The following PTER variants were observed in gnomAD, a reference collection of about 807,000 sequenced individuals.
PTER encodes the protein N-acetyltaurine hydrolase.
In PTER, 38 loss-of-function variants were observed where a neutral mutation model predicts 29.6. That is an observed-to-expected ratio of 1.28 (90% confidence interval 0.99 to 1.68). The LOEUF (loss-of-function observed/expected upper bound fraction) is 1.68. Ranked by LOEUF, PTER falls within the 40% of genes most tolerant of loss-of-function variation. The pLI is 0.00. For synonymous variants in PTER, 172 were observed against 154.5 expected (o/e 1.11, Z -0.84); for missense variants, 482 against 427.8 (o/e 1.13, Z -1.12).
At chr10:16,493,800 G>T (rs551708464) in intron 3 of PTER, among the ~76,000 whole-genome samples, 87 of 152,214 alleles carry the variant, frequency 5.7e-4, no homozygotes, top group Non-Finnish European at 1.0e-3. Flanking sequence ...AAAGTAAAAT[G>T]CACCAAAATT....
In PTER at chr10:16,466,014, G is replaced by A. The variant is rs548731323; in HGVS notation, c.-48-18323G>A. Among the ~76,000 whole-genome samples the A allele has an allele frequency of 8.5e-5, 13 of 152,272 alleles. No individual in the cohort carries two copies. In the South Asian group the frequency reaches 2.3e-3, roughly 27 times the overall value. On this transcript the variant is annotated intron_variant, in intron 1 of 4. Transcript: ENST00000535784. ...CCCTCCCTCAATATGTAGGGATTAT[G>A]GGGATTACAATTTGAGATGAGATTT...
chr10:16,500,592 T>C (rs1027628123), intron 3 of PTER, among the ~76,000 whole-genome samples: 7 of 152,220 alleles, frequency 4.6e-5, no homozygotes, highest in African/African-American at 7.2e-5. Flanking sequence ...ATGAATCTTA[T>C]GGGACAGTGT....
chr10:16,472,879 A>G (rs187279865), intron 1 of PTER, among the ~76,000 whole-genome samples: 1 of 152,240 alleles, frequency 6.6e-6, no homozygotes, highest in Non-Finnish European at 1.5e-5. Context: ...TATTCTCTTC[A>G]TTTCTAAGAA....
chr10:16,482,800 G>A (rs1441213525), intron 1 of PTER, among the ~76,000 whole-genome samples: 1 of 147,548 alleles, frequency 6.8e-6, no homozygotes, highest in Non-Finnish European at 1.5e-5. Context: ...TTTTTTTTTT[G>A]AGACATAATC....
At chr10:16,441,120 G>A (rs1035868561) in intron 1 of PTER, among the ~76,000 whole-genome samples, 1 of 152,238 alleles carries the variant, frequency 6.6e-6, no homozygotes, top group Non-Finnish European at 1.5e-5. Flanking sequence ...GGCAGACCAT[G>A]TTAAAGTGTA....
At chr10:16,463,758 A>C (rs569495881) in intron 1 of PTER, among the ~76,000 whole-genome samples, 4 of 152,264 alleles carry the variant, frequency 2.6e-5, no homozygotes, top group Admixed American at 6.5e-5. Context: ...GTTTATTAAT[A>C]AGTGTTGGTC....
chr10:16,444,120 G>C (rs113493534), intron 1 of PTER, among the ~76,000 whole-genome samples: 2 of 151,406 alleles, frequency 1.3e-5, no homozygotes, highest in African/African-American at 4.9e-5. Flanking sequence ...TCCTGCCTCA[G>C]CCTCCCGAGT....
At chr10:16,473,294 C>G (rs1328303336) in intron 1 of PTER, among the ~76,000 whole-genome samples, 1 of 152,092 alleles carries the variant, frequency 6.6e-6, no homozygotes, top group Admixed American at 6.6e-5. Context: ...GATAAATCCA[C>G]GCAGTGCTGG....
chr10:16,474,706 T>C (rs144721472), intron 1 of PTER, among the ~76,000 whole-genome samples: 6,747 of 152,004 alleles, frequency 0.044, 228 homozygotes, highest in East Asian at 0.13. Context: ...GCCAGCATGG[T>C]GAAACTCCGT....
At chr10:16,487,629 A>T (rs1322525510) in intron 3 of PTER, among the ~76,000 whole-genome samples, 1 of 152,182 alleles carries the variant, frequency 6.6e-6, no homozygotes, top group Non-Finnish European at 1.5e-5. Context: ...ATTATTTTAG[A>T]TGCATAGGGG....
At chr10:16,518,573 A>G (rs1442278344), downstream of PTER, among the ~76,000 whole-genome samples, 2 of 152,242 alleles carry the variant, frequency 1.3e-5, no homozygotes, top group Non-Finnish European at 2.9e-5. Flanking sequence ...TTTTCTTCAA[A>G]TCAGTGTAAT....
intron 4 of PTER, among the ~76,000 whole-genome samples, chr10:16,508,064 CTTTTTCTTTTTTTT>C (rs1386385779): frequency 7.8e-6 from 1 of 128,152 alleles, no homozygotes; most frequent in Non-Finnish European, 1.6e-5. Context: ...TTCTTTTTTT[CTTTTTCTTTTTTTT>C]TTTTTTTTGA....
chr10:16,515,110 A>G (rs1222987939), downstream of PTER, among the ~76,000 whole-genome samples: 1 of 152,104 alleles, frequency 6.6e-6, no homozygotes, highest in Non-Finnish European at 1.5e-5. Flanking sequence ...TCAGCTGTTT[A>G]TGAGTACAGA....
chr10:16,493,152 T>G (rs1835962313), intron 3 of PTER, among the ~76,000 whole-genome samples: 1 of 152,206 alleles, frequency 6.6e-6, no homozygotes. Flanking sequence ...TTTTTAACCT[T>G]AAGGTTTTCT....
rs182954396 is a variant in PTER at position 16,463,595 on chromosome 10, T to A, written c.-48-20742T>A. ...CATGCCCGGCTAATTTTTGTATTTT[T>A]AGTAGAGACACGGTTTCACCGTGTT... On this transcript the variant is annotated intron_variant, in intron 1 of 4. Coordinates refer to ENST00000535784, the MANE Select transcript of PTER (RefSeq NM_001261836.2). Among the ~76,000 whole-genome samples, 1,267 of 152,172 alleles carry A rather than the reference T, an allele frequency of 8.3e-3. 18 individuals are homozygous for A. The highest frequency in any genetic ancestry group is 0.029 in the African/African-American group (1,209 of 41,494).
chr10:16,476,988 C>T (rs2133430870), intron 1 of PTER, among the ~76,000 whole-genome samples: 1 of 151,232 alleles, frequency 6.6e-6, no homozygotes, highest in African/African-American at 2.4e-5. Context: ...TCACTGCAGC[C>T]TCTGGCTTCC....
chr10:16,451,967 C>T (rs1437555202), intron 1 of PTER, among the ~76,000 whole-genome samples: 1 of 152,072 alleles, frequency 6.6e-6, no homozygotes, highest in Non-Finnish European at 1.5e-5. Flanking sequence ...AGAGTGTTGG[C>T]TATGCCTGTG....
rs1428387402 is a variant in PTER at position 16,489,443 on chromosome 10, AT to A, written c.698+2828del. On this transcript the variant is annotated intron_variant, in intron 3 of 4. Transcript: ENST00000535784. ...TAGTTTACTAGTTCTTCTGGCTGTC[AT>A]TGATAGGAGGTTATTTCCTTATGTT... 2.0e-5 allele frequency among the ~76,000 whole-genome samples: 3 copies of A among 151,962 alleles called. No individual in the cohort carries two copies. The East Asian group carries it at 5.8e-4, about 29-fold the overall frequency.
chr10:16,461,099 A>G (rs1228812511), intron 1 of PTER, among the ~76,000 whole-genome samples: 1 of 152,168 alleles, frequency 6.6e-6, no homozygotes, highest in African/African-American at 2.4e-5. Context: ...TCACTTGCAT[A>G]ATTATATAAG....
Sources: gnomAD v4.1 joint callset for allele counts (sites outside exome capture counted in the v4.1 genomes callset) on GRCh38, gnomAD v4.1.1 for gene constraint, MANE v1.5 for transcripts, NCBI Gene and HGNC (gene_info 2026-07-23, HGNC 2026-07-21) for gene names.